CLEC16A: variants seen among roughly 807,000 people sequenced by gnomAD.
The protein encoded by CLEC16A is C-type lectin domain containing 16A.
A neutral mutation model predicts 109.5 loss-of-function variants in CLEC16A; 51 were observed. The ratio of observed to expected loss-of-function variants is 0.47; its 90% CI spans 0.37 to 0.59. The LOEUF (loss-of-function observed/expected upper bound fraction) is 0.59, where lower values mean the gene tolerates loss of function less well. Among genes scored for constraint, CLEC16A ranks in the 20% least tolerant of loss-of-function variants. The pLI, the probability that CLEC16A is intolerant of heterozygous loss-of-function variation, is 0.00. For synonymous variants in CLEC16A, 673 were observed against 564.2 expected (o/e 1.19, Z -2.73); for missense variants, 1,339 against 1,394.0 (o/e 0.96, Z 0.63).
intron 19 of CLEC16A, among the ~76,000 whole-genome samples, chr16:11,116,644 A>T (rs1185438164): frequency 6.6e-6 from 1 of 152,186 alleles, no homozygotes; most frequent in East Asian, 1.9e-4. Flanking sequence ...AGGAAAGAGA[A>T]ATTTACCTGT....
intron 10 of CLEC16A, among the ~76,000 whole-genome samples, chr16:10,999,355 C>G (rs1003003883): frequency 2.6e-5 from 4 of 152,094 alleles, no homozygotes; most frequent in African/African-American, 9.7e-5. Flanking sequence ...TTTTAATTCC[C>G]CCAAGATGCC....
chr16:10,948,127 T>TCA (rs1444419156), intron 1 of CLEC16A, among the ~76,000 whole-genome samples: 5 of 152,210 alleles, frequency 3.3e-5, no homozygotes, highest in Non-Finnish European at 7.3e-5. Context: ...TCTCCTGACC[T>TCA]TGTGATCTGC....
chr16:11,118,728 G>A (rs996171860), intron 19 of CLEC16A, among the ~76,000 whole-genome samples: 1 of 152,226 alleles, frequency 6.6e-6, no homozygotes, highest in African/African-American at 2.4e-5. Context: ...AATGTCCAGA[G>A]AGTTTTCCCC....
chr16:11,002,424 A>G (rs2044720460), intron 10 of CLEC16A, among the ~76,000 whole-genome samples: 1 of 152,226 alleles, frequency 6.6e-6, no homozygotes, highest in South Asian at 2.1e-4. Context: ...TTATTTGATG[A>G]TGATGTTAAT....
At chr16:11,118,232 G>A (rs528035522) in intron 19 of CLEC16A, among the ~76,000 whole-genome samples, 2 of 152,208 alleles carry the variant, frequency 1.3e-5, no homozygotes, top group Admixed American at 6.5e-5. Flanking sequence ...GGGATTACAG[G>A]CACAAACCAC....
chr16:10,946,514 G>A (rs2041382737), intron 1 of CLEC16A, among the ~76,000 whole-genome samples: 1 of 152,078 alleles, frequency 6.6e-6, no homozygotes, highest in Admixed American at 6.5e-5. Context: ...AGGGAGGTGG[G>A]GATCTTAGAT....
At chr16:11,056,921 A>G (rs1458385998) in intron 18 of CLEC16A, 2 of 152,230 alleles carry the variant, frequency 1.3e-5, no homozygotes, top group African/African-American at 2.4e-5. Context: ...GTCACAGTTT[A>G]AATAAGTCTC....
intron 19 of CLEC16A, among the ~76,000 whole-genome samples, chr16:11,065,201 G>A (rs190330850): frequency 1.7e-4 from 26 of 152,300 alleles, no homozygotes; most frequent in Admixed American, 4.6e-4. Context: ...TGACCTCAGA[G>A]CCTCCTTAAA....
At chr16:11,158,906 C>T (rs1320938536) in intron 22 of CLEC16A, among the ~76,000 whole-genome samples, 5 of 134,290 alleles carry the variant, frequency 3.7e-5, no homozygotes, top group Non-Finnish European at 4.7e-5. Context: ...GGTGACAGAG[C>T]GAGACTCCAG....
chr16:10,986,198 T>C (rs1164773612), intron 10 of CLEC16A, among the ~76,000 whole-genome samples: 1 of 151,580 alleles, frequency 6.6e-6, no homozygotes, highest in Non-Finnish European at 1.5e-5. Flanking sequence ...ACCCGGCTCA[T>C]TTTTTGTATT....
intron 2 of CLEC16A, 66 bp from the exon 3 acceptor site, chr16:10,962,389 C>A: frequency 1.9e-6 from 3 of 1,593,848 alleles, no homozygotes; most frequent in Non-Finnish European, 2.6e-6. Flanking sequence ...GTGAATGAAA[C>A]CAGATAATAA....
At chr16:11,015,230 T>A (rs1224358557) in intron 11 of CLEC16A, among the ~76,000 whole-genome samples, 2 of 152,028 alleles carry the variant, frequency 1.3e-5, no homozygotes, top group Non-Finnish European at 2.9e-5. Flanking sequence ...GACTGTGAGG[T>A]GCAGCTGTGC....
At chr16:11,129,063 C>T (rs1411253269) in intron 22 of CLEC16A, among the ~76,000 whole-genome samples, 1 of 152,112 alleles carries the variant, frequency 6.6e-6, no homozygotes, top group African/African-American at 2.4e-5. Context: ...GATGAAGTTC[C>T]CCCAACCCCA....
chr16:11,113,580 G>T (rs1432236197), intron 19 of CLEC16A, among the ~76,000 whole-genome samples: 1 of 152,142 alleles, frequency 6.6e-6, no homozygotes, highest in Non-Finnish European at 1.5e-5. Flanking sequence ...GATCACTCGA[G>T]CCTGTGAGGC....
chr16:11,150,928 C>G (rs1367254575), intron 22 of CLEC16A, among the ~76,000 whole-genome samples: 1 of 152,154 alleles, frequency 6.6e-6, no homozygotes, highest in African/African-American at 2.4e-5. Flanking sequence ...ACGTGATGTT[C>G]TACCTGTGTG....
intron 23 of CLEC16A, among the ~76,000 whole-genome samples, chr16:11,175,070 A>G (rs1024065960): frequency 1.3e-5 from 2 of 152,180 alleles, no homozygotes; most frequent in African/African-American, 2.4e-5. Context: ...CTTGCTCTAC[A>G]GGTACCATCC....
intron 11 of CLEC16A, among the ~76,000 whole-genome samples, chr16:11,004,946 G>T (rs2044903790): frequency 6.6e-6 from 1 of 152,192 alleles, no homozygotes. Flanking sequence ...GCTTATTGGG[G>T]TCATTCTGAT....
At chr16:11,145,462 C>T (rs2054012682) in intron 22 of CLEC16A, among the ~76,000 whole-genome samples, 1 of 152,280 alleles carries the variant, frequency 6.6e-6, no homozygotes, top group Non-Finnish European at 1.5e-5. Context: ...GTCAGCTCTA[C>T]CTGGGAGATG....
At chr16:11,069,087 T>C (rs1431346031) in intron 19 of CLEC16A, among the ~76,000 whole-genome samples, 1 of 151,780 alleles carries the variant, frequency 6.6e-6, no homozygotes, top group Non-Finnish European at 1.5e-5. Context: ...CCTGCCTTGG[T>C]ATCCCAAAGT....
Sources: gnomAD v4.1 joint callset for allele counts (sites outside exome capture counted in the v4.1 genomes callset) on GRCh38, gnomAD v4.1.1 for gene constraint, MANE v1.5 for transcripts, NCBI Gene and HGNC (gene_info 2026-07-23, HGNC 2026-07-21) for gene names.